The following KIAA0825 variants were observed in gnomAD, a reference collection of about 807,000 sequenced individuals.
KIAA0825 encodes uncharacterized protein KIAA0825.
Under a neutral mutation model 147.6 loss-of-function variants are expected in KIAA0825, and 119 were observed. That is an observed-to-expected ratio of 0.81 (90% confidence interval 0.69 to 0.94). The LOEUF (loss-of-function observed/expected upper bound fraction) is 0.94. KIAA0825 is among the 40% of genes least tolerant of loss of function. KIAA0825 has a pLI of 0.00. For synonymous variants in KIAA0825, 470 were observed against 518.1 expected (o/e 0.91, Z 1.26); for missense variants, 1,381 against 1,472.7 (o/e 0.94, Z 1.02).
chr5:94,357,779 C>A lies in KIAA0825; in HGVS notation c.3710+26589G>T, dbSNP rs140236010. On this transcript the variant is annotated intron_variant, in intron 20 of 20. Transcript: ENST00000682413. ...ATGGTACTTCCATAAGAAAATCACA[C>A]CTGGTTAAAGCTAATGAAAACCTCA... Among the ~76,000 whole-genome samples, 158 of 152,246 alleles carry A rather than the reference C, an allele frequency of 1.0e-3. 2 individuals are homozygous for A. The highest frequency in any genetic ancestry group is 3.5e-3 in the African/African-American group (145 of 41,532).
At chr5:94,483,912 C>CT (rs531070588) in intron 6 of KIAA0825, among the ~76,000 whole-genome samples, 1 of 150,822 alleles carries the variant, frequency 6.6e-6, no homozygotes, top group Non-Finnish European at 1.5e-5. Context: ...GCTTCCTTCA[C>CT]TTTTTTTTGC....
Position 94,255,230 on chromosome 5 carries a change from T to G in KIAA0825, c.3711-101106A>C, listed in dbSNP as rs137887472. Among the ~76,000 whole-genome samples, 1,270 of 151,734 alleles carry G rather than the reference T, an allele frequency of 8.4e-3. 15 individuals carry two copies. Among genetic ancestry groups the G allele is most frequent in the African/African-American group, 0.029 (1,208 of 41,366 alleles). On this transcript the variant is annotated intron_variant, in intron 20 of 20. Transcript: ENST00000682413. ...GGAAAGGGTAAAATAGGGGAAGAGA[T>G]AAGCATCATGACATTGGGAAGGCAT...
At chr5:94,169,490 G>A (rs1768387795) in intron 20 of KIAA0825, among the ~76,000 whole-genome samples, 2 of 151,436 alleles carry the variant, frequency 1.3e-5, no homozygotes, top group Non-Finnish European at 1.5e-5. Flanking sequence ...GCTGAGGCGG[G>A]AGAATCACTT....
At chr5:94,196,880 T>C (rs1172209741) in intron 20 of KIAA0825, among the ~76,000 whole-genome samples, 1 of 152,228 alleles carries the variant, frequency 6.6e-6, no homozygotes, top group Non-Finnish European at 1.5e-5. Flanking sequence ...GATGGCCACA[T>C]AGATTGATTC....
At chr5:94,293,707 G>T (rs190241256) in intron 20 of KIAA0825, among the ~76,000 whole-genome samples, 1 of 152,226 alleles carries the variant, frequency 6.6e-6, no homozygotes, top group African/African-American at 2.4e-5. Flanking sequence ...TATTGACAGT[G>T]GGGTGTTAAA....
In KIAA0825 at chr5:94,281,560, T is replaced by C. The variant is rs75687271; in HGVS notation, c.3710+102808A>G. Among the ~76,000 whole-genome samples the C allele has an allele frequency of 2.3e-3, 344 of 152,204 alleles. 1 individual carries two copies. The highest frequency in any genetic ancestry group is 8.0e-3 in the African/African-American group (331 of 41,554). Reference sequence around the variant, plus strand: ...CAGCTAGGATTGGTAGAGTTAGCTTTAGGGCAGGGTTTCTCAACCTCAGCA... The same window carrying C: ...CAGCTAGGATTGGTAGAGTTAGCTTCAGGGCAGGGTTTCTCAACCTCAGCA... On this transcript the variant is annotated intron_variant, in intron 20 of 20. Coordinates refer to ENST00000682413, the MANE Select transcript of KIAA0825 (RefSeq NM_001145678.3).
intron 1 of KIAA0825, among the ~76,000 whole-genome samples, chr5:94,609,727 T>C (rs968888959): frequency 6.6e-6 from 1 of 152,026 alleles, no homozygotes; most frequent in Non-Finnish European, 1.5e-5. Flanking sequence ...GGCAGGAGAA[T>C]TGCTTGAACC....
chr5:94,349,267 C>T (rs1343689639), intron 20 of KIAA0825, among the ~76,000 whole-genome samples: 2 of 152,134 alleles, frequency 1.3e-5, no homozygotes, highest in Admixed American at 1.3e-4. Flanking sequence ...TATATATGCA[C>T]CTAACACCAT....
chr5:94,407,314 T>G (rs1490945570), intron 15 of KIAA0825, among the ~76,000 whole-genome samples: 5 of 152,202 alleles, frequency 3.3e-5, no homozygotes, highest in Non-Finnish European at 7.3e-5. Flanking sequence ...CCTTCAATTC[T>G]CTGGCAGTTT....
chr5:94,385,312 T>G (rs1013209089), intron 19 of KIAA0825, among the ~76,000 whole-genome samples: 6 of 152,214 alleles, frequency 3.9e-5, no homozygotes, highest in Non-Finnish European at 7.3e-5. Context: ...TGCTGATTAA[T>G]AGAGCACTAC....
At chr5:94,459,877 A>G (rs1562518794) in intron 12 of KIAA0825, among the ~76,000 whole-genome samples, 3 of 152,108 alleles carry the variant, frequency 2.0e-5, no homozygotes, top group Non-Finnish European at 4.4e-5. Context: ...ACTTTTTATT[A>G]TAGATTTAGG....
At chr5:94,494,314 CTTTTTTTT>C (rs530332272) in intron 5 of KIAA0825, among the ~76,000 whole-genome samples, 1 of 111,872 alleles carries the variant, frequency 8.9e-6, no homozygotes, top group Non-Finnish European at 1.7e-5. Flanking sequence ...ATATTCAATC[CTTTTTTTT>C]TTTTTTTTTT....
chr5:94,306,040 G>C (rs1401687323), intron 20 of KIAA0825, among the ~76,000 whole-genome samples: 2 of 151,658 alleles, frequency 1.3e-5, no homozygotes, highest in African/African-American at 4.8e-5. Flanking sequence ...AATGGCCCAA[G>C]ATCTTAATGC....
intron 20 of KIAA0825, among the ~76,000 whole-genome samples, chr5:94,225,192 A>C (rs1256259634): frequency 6.6e-6 from 1 of 152,256 alleles, no homozygotes; most frequent in Non-Finnish European, 1.5e-5. Flanking sequence ...ACTGTGTGTG[A>C]CACAAGGAGT....
At chr5:94,181,784 A>T (rs140700054) in intron 20 of KIAA0825, among the ~76,000 whole-genome samples, 4 of 152,346 alleles carry the variant, frequency 2.6e-5, no homozygotes, top group Non-Finnish European at 5.9e-5. Context: ...CATCGATTTC[A>T]TAGTTTAACT....
At chr5:94,436,439 G>A (rs537771273) in intron 14 of KIAA0825, among the ~76,000 whole-genome samples, 10 of 152,208 alleles carry the variant, frequency 6.6e-5, no homozygotes, top group African/African-American at 2.4e-4. Context: ...GTAGGTGTGC[G>A]ATCTTATTTC....
chr5:94,188,731 A>G (rs1010078307), intron 20 of KIAA0825, among the ~76,000 whole-genome samples: 2 of 152,208 alleles, frequency 1.3e-5, no homozygotes, highest in Admixed American at 6.5e-5. Context: ...GCTGCTATAA[A>G]CATTTGCAAC....
intron 2 of KIAA0825, among the ~76,000 whole-genome samples, chr5:94,547,386 C>A (rs1001522477): frequency 6.6e-6 from 1 of 151,900 alleles, no homozygotes; most frequent in Non-Finnish European, 1.5e-5. Context: ...TAGATTTAAC[C>A]CAAAGAAGAC....
intron 20 of KIAA0825, among the ~76,000 whole-genome samples, chr5:94,376,770 C>T (rs1007449750): frequency 9.2e-5 from 14 of 152,070 alleles, no homozygotes; most frequent in African/African-American, 2.9e-4. Flanking sequence ...TTCTAGGGAA[C>T]AGGAGCATGA....
Sources: gnomAD v4.1 joint callset for allele counts (sites outside exome capture counted in the v4.1 genomes callset) on GRCh38, gnomAD v4.1.1 for gene constraint, MANE v1.5 for transcripts, NCBI Gene and HGNC (gene_info 2026-07-23, HGNC 2026-07-21) for gene names.